Variants in ARB2A observed in about 807,000 individuals in gnomAD.
The protein encoded by ARB2A is cotranscriptional regulator ARB2A.
At chr5:93,935,463 TAGA>T in the ARB2A span, among the ~76,000 whole-genome samples, 1 of 152,154 alleles carries the variant, frequency 6.6e-6, no homozygotes, top group South Asian at 2.1e-4. Context: ...GTACAAAGCA[TAGA>T]AGAAGCATAA....
At chr5:93,856,134 T>A in the ARB2A span, among the ~76,000 whole-genome samples, 48 of 152,330 alleles carry the variant, frequency 3.2e-4, no homozygotes, top group South Asian at 9.7e-3. Context: ...TTCTGGCTTG[T>A]AGGGTTTCTG....
the ARB2A span, among the ~76,000 whole-genome samples, chr5:93,637,042 C>T: frequency 6.6e-6 from 1 of 152,198 alleles, no homozygotes; most frequent in Non-Finnish European, 1.5e-5. Flanking sequence ...AAAGATTCGT[C>T]ATATACTGCC....
the ARB2A span, among the ~76,000 whole-genome samples, chr5:93,924,518 C>T: frequency 1.3e-5 from 2 of 152,130 alleles, no homozygotes; most frequent in Non-Finnish European, 2.9e-5. Flanking sequence ...TGAAAAAGCT[C>T]TTAATATCAC....
chr5:93,788,391 G>A, the ARB2A span, among the ~76,000 whole-genome samples: 20 of 152,250 alleles, frequency 1.3e-4, no homozygotes, highest in South Asian at 3.7e-3. Flanking sequence ...GCTCCCTTCC[G>A]TGTGCAGTGC....
the ARB2A span, among the ~76,000 whole-genome samples, chr5:93,688,662 T>C: frequency 6.6e-6 from 1 of 152,314 alleles, no homozygotes; most frequent in East Asian, 1.9e-4. Context: ...CATTTCTACT[T>C]GGAGGTTTTG....
the ARB2A span, chr5:93,621,168 C>A: frequency 4.6e-6 from 7 of 1,536,036 alleles, no homozygotes; most frequent in Non-Finnish European, 6.1e-6. Context: ...GGTGGCCACG[C>A]GGGGCCAGGC....
At chr5:93,930,652 A>C in the ARB2A span, among the ~76,000 whole-genome samples, 1 of 152,216 alleles carries the variant, frequency 6.6e-6, no homozygotes, top group Non-Finnish European at 1.5e-5. Flanking sequence ...AAGGAATGCA[A>C]GCCTTTCAAT....
the ARB2A span, among the ~76,000 whole-genome samples, chr5:93,999,342 C>T: frequency 1.3e-5 from 2 of 152,010 alleles, no homozygotes; most frequent in East Asian, 1.9e-4. Context: ...TCAGTGAATC[C>T]ATTCAGAGAA....
At chr5:93,969,565 A>C in the ARB2A span, among the ~76,000 whole-genome samples, 2 of 152,244 alleles carry the variant, frequency 1.3e-5, no homozygotes, top group African/African-American at 4.8e-5. Context: ...AAATTTTTCC[A>C]GCTCAGAGTT....
At chr5:93,949,673 TTTAAATGTAC>T in the ARB2A span, among the ~76,000 whole-genome samples, 1 of 152,094 alleles carries the variant, frequency 6.6e-6, no homozygotes, top group Non-Finnish European at 1.5e-5. Context: ...TTCAGTTCTT[TTTAAATGTAC>T]AATCAATCAT....
At chr5:93,691,543 T>C in the ARB2A span, among the ~76,000 whole-genome samples, 9 of 151,882 alleles carry the variant, frequency 5.9e-5, no homozygotes, top group Non-Finnish European at 1.3e-4. Flanking sequence ...AGACCAAACC[T>C]GCGTTTGACT....
At chr5:93,703,699 A>C in the ARB2A span, among the ~76,000 whole-genome samples, 1 of 152,208 alleles carries the variant, frequency 6.6e-6, no homozygotes, top group Admixed American at 6.5e-5. Context: ...CACAAGCACC[A>C]GTGGCCGAAG....
chr5:93,918,376 T>C, the ARB2A span, among the ~76,000 whole-genome samples: 1 of 152,010 alleles, frequency 6.6e-6, no homozygotes. Flanking sequence ...GTAACTTAAC[T>C]TTACATTCAT....
chr5:93,712,844 G>A, the ARB2A span, among the ~76,000 whole-genome samples: 1 of 152,134 alleles, frequency 6.6e-6, no homozygotes, highest in African/African-American at 2.4e-5. Context: ...CATGGTACTG[G>A]CATAAAAACA....
chr5:94,026,860 A>G, the ARB2A span, among the ~76,000 whole-genome samples: 3 of 152,212 alleles, frequency 2.0e-5, no homozygotes, highest in African/African-American at 7.2e-5. Flanking sequence ...GCCAAACCCT[A>G]GCAGCTTCAG....
At chr5:93,915,395 T>C in the ARB2A span, among the ~76,000 whole-genome samples, 1 of 151,628 alleles carries the variant, frequency 6.6e-6, no homozygotes, top group Non-Finnish European at 1.5e-5. Flanking sequence ...CTTCTGAGAA[T>C]AATGCAGTAT....
the ARB2A span, among the ~76,000 whole-genome samples, chr5:93,727,528 T>C: frequency 6.6e-6 from 1 of 152,122 alleles, no homozygotes; most frequent in East Asian, 1.9e-4. Flanking sequence ...ATATTCTTAT[T>C]AAATTCCAAC....
chr5:93,881,578 T>G, the ARB2A span: 3 of 1,611,142 alleles, frequency 1.9e-6, no homozygotes, highest in East Asian at 6.7e-5. Flanking sequence ...TTCTTTCCCG[T>G]TTTTCTGCTG....
At chr5:93,947,032 A>C in the ARB2A span, among the ~76,000 whole-genome samples, 2 of 152,214 alleles carry the variant, frequency 1.3e-5, no homozygotes, top group Non-Finnish European at 2.9e-5. Context: ...TATATTCTGC[A>C]TACTGTCTTC....
Sources: allele counts gnomAD v4.1 joint callset (sites outside exome capture counted in the v4.1 genomes callset), GRCh38; gene constraint gnomAD v4.1.1; transcripts MANE v1.5; gene names NCBI Gene and HGNC (gene_info 2026-07-23, HGNC 2026-07-21).